The following TBC1D14 variants were observed in gnomAD, a reference collection of about 807,000 sequenced individuals.
TBC1D14 encodes TBC1 domain family member 14, also known as TBC1 domain family, member 14.
Under a neutral mutation model 79.0 loss-of-function variants are expected in TBC1D14, and 26 were observed. That is an observed-to-expected ratio of 0.33 (90% CI 0.24 to 0.46). The LOEUF (loss-of-function observed/expected upper bound fraction) is 0.46. TBC1D14 is among the 20% of genes least tolerant of loss of function. The pLI, the probability that TBC1D14 is intolerant of heterozygous loss-of-function variation, is 1.00. For missense variants in TBC1D14, 769 were observed against 887.6 expected (o/e 0.87, Z 1.70); for synonymous variants, 394 against 349.9 (o/e 1.13, Z -1.40).
intron 13 of TBC1D14, among the ~76,000 whole-genome samples, chr4:7,028,896 GGTGC>G (rs1386383512): frequency 6.6e-6 from 1 of 151,770 alleles, no homozygotes; most frequent in Admixed American, 6.6e-5. Context: ...GGAGTGCAGT[GGTGC>G]GATCACAGCT....
At chr4:7,029,157 G>C (rs1309525964) in intron 13 of TBC1D14, among the ~76,000 whole-genome samples, 4 of 152,196 alleles carry the variant, frequency 2.6e-5, no homozygotes, top group Non-Finnish European at 5.9e-5. Flanking sequence ...TTTTCAAAAT[G>C]ACTAAATGTT....
At chr4:6,947,264 G>A (rs1443172286) in intron 2 of TBC1D14, among the ~76,000 whole-genome samples, 1 of 152,114 alleles carries the variant, frequency 6.6e-6, no homozygotes, top group East Asian at 1.9e-4. Context: ...TTGGGAGGCC[G>A]AGGCAGGCAG....
At chr4:6,920,871 C>G (rs567992858) in intron 1 of TBC1D14, among the ~76,000 whole-genome samples, 2 of 151,778 alleles carry the variant, frequency 1.3e-5, no homozygotes, top group African/African-American at 4.8e-5. Flanking sequence ...CTCCACCTCC[C>G]GAGTTCAAGC....
intron 12 of TBC1D14, among the ~76,000 whole-genome samples, chr4:7,019,167 G>A (rs1054969547): frequency 3.3e-5 from 5 of 152,030 alleles, no homozygotes; most frequent in Non-Finnish European, 5.9e-5. Flanking sequence ...GACTGCAGGC[G>A]CCCGCCACCA....
intron 4 of TBC1D14, chr4:6,995,192 G>A (rs1027554887): frequency 6.6e-6 from 1 of 152,192 alleles, no homozygotes; most frequent in African/African-American, 2.4e-5. Context: ...TTTTAAATGG[G>A]TTTTGAAGGT....
At position 7,016,611 on chromosome 4, in the gene TBC1D14, T is replaced by C. The variant is rs551766326; in HGVS notation, c.1757+2054T>C. On this transcript the variant is annotated intron_variant, in intron 12 of 13. Transcript: ENST00000409757. ...CCTTTACTTGCAAAAGGAAATGTGT[T>C]TTAAATTGTGACCCAATGTGTGCAG... Among the ~76,000 whole-genome samples the C allele has an allele frequency of 2.8e-4, 42 of 152,350 alleles. No individual in the cohort carries two copies. The South Asian group carries it at 8.7e-3, about 32-fold the overall frequency.
chr4:7,020,855 C>T (rs991129303), intron 12 of TBC1D14, among the ~76,000 whole-genome samples: 3 of 152,244 alleles, frequency 2.0e-5, no homozygotes, highest in African/African-American at 7.2e-5. Flanking sequence ...CACATGCCAC[C>T]ATGCCCAGCT....
intron 13 of TBC1D14, among the ~76,000 whole-genome samples, chr4:7,028,188 G>A (rs759762477): frequency 1.3e-5 from 2 of 151,534 alleles, no homozygotes; most frequent in African/African-American, 2.4e-5. Context: ...ACACACCCAC[G>A]TACAGGTGCA....
chr4:6,962,536 A>G (rs1715319762), intron 2 of TBC1D14, among the ~76,000 whole-genome samples: 2 of 152,110 alleles, frequency 1.3e-5, no homozygotes, highest in African/African-American at 4.8e-5. Context: ...CTTTTTCTCC[A>G]TAGGACAAAG....
At chr4:6,993,712 C>T (rs114610070) in intron 3 of TBC1D14, among the ~76,000 whole-genome samples, 1,844 of 152,318 alleles carry the variant, frequency 0.012, 17 homozygotes, top group Middle Eastern at 0.037. Flanking sequence ...AGCTTTGGAA[C>T]TCTAAGACCC....
intron 1 of TBC1D14, among the ~76,000 whole-genome samples, chr4:6,921,032 G>C (rs1311680287): frequency 6.6e-6 from 1 of 151,966 alleles, no homozygotes; most frequent in Non-Finnish European, 1.5e-5. Flanking sequence ...CACCTGCTTC[G>C]GCCTCCCAGT....
chr4:6,940,643 A>C (rs1419223386), intron 2 of TBC1D14, among the ~76,000 whole-genome samples: 1 of 152,096 alleles, frequency 6.6e-6, no homozygotes, highest in African/African-American at 2.4e-5. Flanking sequence ...CCCCTCAGAG[A>C]TGTATTCTGA....
Position 6,996,416 on chromosome 4 carries a change from G to A in TBC1D14, c.1045+9G>A. ...TCAGGCCAAAAAGCGAGGTAATGGG[G>A]TTCACACTTGATGGGTTAAATCAGG... On this transcript the variant is annotated intron_variant, in intron 5 of 13. Coordinates refer to ENST00000409757, the MANE Select transcript of TBC1D14 (RefSeq NM_020773.3). 1 of 1,607,178 alleles carries A rather than the reference G, an allele frequency of 6.2e-7. No homozygotes were observed. The highest frequency in any genetic ancestry group is 8.5e-7 in the Non-Finnish European group (1 of 1,173,960).
At chr4:6,965,718 A>G (rs1289390646) in intron 2 of TBC1D14, among the ~76,000 whole-genome samples, 1 of 152,138 alleles carries the variant, frequency 6.6e-6, no homozygotes, top group East Asian at 1.9e-4. Context: ...TAAAAAGATT[A>G]TGTGTAGAGA....
intron 4 of TBC1D14, 129 bp downstream of exon 4, chr4:6,994,431 T>C: frequency 2.6e-6 from 2 of 781,208 alleles, no homozygotes; most frequent in South Asian, 1.6e-5. Flanking sequence ...CACTTCTTAT[T>C]CTCTATATTA....
At chr4:6,953,027 T>TC (rs1376077898) in intron 2 of TBC1D14, among the ~76,000 whole-genome samples, 5 of 134,836 alleles carry the variant, frequency 3.7e-5, no homozygotes, top group African/African-American at 6.0e-5. Context: ...TTCTTTCTTT[T>TC]TTTTTTTTTT....
intron 2 of TBC1D14, among the ~76,000 whole-genome samples, chr4:6,953,390 G>A (rs1714271754): frequency 1.4e-5 from 2 of 138,246 alleles, no homozygotes; most frequent in South Asian, 4.6e-4. Flanking sequence ...GGGAGGCCGA[G>A]GCGGGCGGAT....
Position 6,923,051 on chromosome 4 carries a change from A to G in TBC1D14, c.-17-322A>G, listed in dbSNP as rs190887504. Among the ~76,000 whole-genome samples, 595 of 152,292 alleles carry G rather than the reference A, an allele frequency of 3.9e-3. 4 individuals carry two copies. Among genetic ancestry groups the G allele is most frequent in the African/African-American group, 0.013 (534 of 41,564 alleles). ...CGCTGTCTCTACTAAAAATACAAAAATTAGCTGGGCGTGGAAGCGCATGCC... is the reference window on the plus strand; with the variant it reads ...CGCTGTCTCTACTAAAAATACAAAAGTTAGCTGGGCGTGGAAGCGCATGCC... On this transcript the variant is annotated intron_variant, in intron 1 of 13. Coordinates refer to ENST00000409757, the MANE Select transcript of TBC1D14 (RefSeq NM_020773.3).
chr4:7,020,863 G>C (rs952607320), intron 12 of TBC1D14, among the ~76,000 whole-genome samples: 2 of 152,170 alleles, frequency 1.3e-5, no homozygotes, highest in South Asian at 2.1e-4. Flanking sequence ...ACCATGCCCA[G>C]CTAATCTCCC....
Sources: gnomAD v4.1 joint callset for allele counts (sites outside exome capture counted in the v4.1 genomes callset) on GRCh38, gnomAD v4.1.1 for gene constraint, MANE v1.5 for transcripts, NCBI Gene and HGNC (gene_info 2026-07-23, HGNC 2026-07-21) for gene names.